The following SMC1B variants were observed in gnomAD, a reference collection of about 807,000 sequenced individuals.
SMC1B encodes structural maintenance of chromosomes protein 1B.
A neutral mutation model predicts 157.9 loss-of-function variants in SMC1B; 60 were observed. That is an observed-to-expected ratio of 0.38 (90% confidence interval 0.31 to 0.47). The LOEUF is 0.47. Among genes scored for constraint, SMC1B ranks in the 20% least tolerant of loss-of-function variants. The probability of loss-of-function intolerance (pLI) is 0.99; values close to 1 mark genes in which losing one functional copy is unlikely to be tolerated. For missense variants in SMC1B, 1,165 were observed against 1,426.2 expected (o/e 0.82, Z 2.95); for synonymous variants, 445 against 483.0 (o/e 0.92, Z 1.03).
chr22:45,353,109 A>G (rs2086630651), intron 21 of SMC1B, among the ~76,000 whole-genome samples: 1 of 152,078 alleles, frequency 6.6e-6, no homozygotes, highest in African/African-American at 2.4e-5. Flanking sequence ...TGTCTCTACA[A>G]AAAATACAAA....
intron 1 of SMC1B, among the ~76,000 whole-genome samples, chr22:45,412,272 C>T (rs1356952668): frequency 1.3e-5 from 2 of 151,852 alleles, no homozygotes; most frequent in Non-Finnish European, 2.9e-5. Flanking sequence ...GCTATCTTGG[C>T]TCACTGCAAC....
chr22:45,392,685 A>G (rs1252407425), intron 9 of SMC1B, among the ~76,000 whole-genome samples: 1 of 152,042 alleles, frequency 6.6e-6, no homozygotes, highest in Non-Finnish European at 1.5e-5. Context: ...AAGTGTGGAT[A>G]TGGAGGCCAA....
At chr22:45,401,150 T>A (rs192522530) in intron 5 of SMC1B, among the ~76,000 whole-genome samples, 1 of 152,348 alleles carries the variant, frequency 6.6e-6, no homozygotes, top group African/African-American at 2.4e-5. Flanking sequence ...TGACAATGTA[T>A]CATAATAATG....
At chr22:45,348,680 A>G (rs2086576188) in intron 23 of SMC1B, among the ~76,000 whole-genome samples, 2 of 150,780 alleles carry the variant, frequency 1.3e-5, no homozygotes, top group Non-Finnish European at 2.9e-5. Flanking sequence ...CCCTGAATCA[A>G]CTTGTTTTAG....
chr22:45,409,017 A>T, intron 1 of SMC1B, 119 bp from the exon 2 acceptor site: 2 of 587,994 alleles, frequency 3.4e-6, no homozygotes, highest in Non-Finnish European at 6.0e-6. Context: ...GTCCTTTTTA[A>T]TCAATGTTCA....
chr22:45,412,498 CTTTTTTTTTT>C (rs56894434), intron 1 of SMC1B, among the ~76,000 whole-genome samples: 1,019 of 65,468 alleles, frequency 0.016, 15 homozygotes, highest in African/African-American at 0.067. Flanking sequence ...CGCGCCCAGC[CTTTTTTTTTT>C]TTTTTTTTTT....
intron 5 of SMC1B, among the ~76,000 whole-genome samples, chr22:45,401,249 G>T (rs2087189543): frequency 1.3e-5 from 2 of 152,230 alleles, no homozygotes; most frequent in Non-Finnish European, 2.9e-5. Context: ...GATAGTGAAG[G>T]TTAAGAGAGT....
intron 11 of SMC1B, among the ~76,000 whole-genome samples, chr22:45,386,406 TTG>T (rs34554081): frequency 0.5 from 75,932 of 151,714 alleles, 22,547 homozygotes; most frequent in African/African-American, 0.84. Context: ...CTCATTTCAA[TTG>T]TGTTTTCTAG....
At chr22:45,401,099 T>C (rs2087187158) in intron 5 of SMC1B, among the ~76,000 whole-genome samples, 2 of 152,172 alleles carry the variant, frequency 1.3e-5, no homozygotes, top group Admixed American at 6.5e-5. Context: ...ATGTATAAAG[T>C]ATGGACTTTA....
chr22:45,379,174 G>A (rs2086911112), intron 12 of SMC1B, among the ~76,000 whole-genome samples: 1 of 152,150 alleles, frequency 6.6e-6, no homozygotes, highest in South Asian at 2.1e-4. Context: ...TAGAGACAGG[G>A]TTTCACTATG....
intron 23 of SMC1B, among the ~76,000 whole-genome samples, chr22:45,348,718 G>GTTTTTTTTTTTTTTTTTT (rs59086824): frequency 6.8e-6 from 1 of 148,128 alleles, no homozygotes. Context: ...CAAAAGGACT[G>GTTTTTTTTTTTTTTTTTT]TTTTTTTTGT....
intron 15 of SMC1B, among the ~76,000 whole-genome samples, chr22:45,366,250 C>G (rs1226004604): frequency 6.6e-6 from 1 of 152,170 alleles, no homozygotes; most frequent in East Asian, 1.9e-4. Flanking sequence ...TCTCAAACTC[C>G]TGAGCTCAGG....
intron 9 of SMC1B, among the ~76,000 whole-genome samples, 183 bp from the exon 10 acceptor site, chr22:45,390,080 TG>T (rs1281513461): frequency 6.6e-6 from 1 of 152,174 alleles, no homozygotes; most frequent in African/African-American, 2.4e-5. Context: ...CATCTAGCTA[TG>T]TAACACTTCA....
rs770272180 is a variant in SMC1B, at chr22:45,399,236, T to C, written c.972A>G (p.Lys324=). The change falls in exon 6 of 25, where the codon AAA becomes AAG. Residue 324 remains lysine (K), a synonymous_variant. Coordinates refer to ENST00000357450, the MANE Select transcript of SMC1B (RefSeq NM_148674.5). Reference sequence around the variant, plus strand: ...TATCATCTTCCTGTTTAGAACATTGTTTTTCGCTGTCCTTTATTGATTTCT... The same window carrying C: ...TATCATCTTCCTGTTTAGAACATTGCTTTTCGCTGTCCTTTATTGATTTCT... ...VAKKSIKDSE[K]QCSKQEDDIK... 1 of 1,614,158 alleles carries C rather than the reference T, an allele frequency of 6.2e-7. No individual in the cohort carries two copies. Among genetic ancestry groups the C allele is most frequent in the Non-Finnish European group, 8.5e-7 (1 of 1,180,002 alleles).
At chr22:45,394,077 T>G (rs530488582) in intron 8 of SMC1B, among the ~76,000 whole-genome samples, 1 of 152,264 alleles carries the variant, frequency 6.6e-6, no homozygotes, top group African/African-American at 2.4e-5. Flanking sequence ...ATCCCAGTAC[T>G]TTGAGAGGTT....
At chr22:45,410,496 G>A (rs932210349) in intron 1 of SMC1B, among the ~76,000 whole-genome samples, 1 of 151,950 alleles carries the variant, frequency 6.6e-6, no homozygotes, top group South Asian at 2.1e-4. Context: ...CGAGGTCAGG[G>A]GTTCGAGACC....
chr22:45,368,344 C>T (rs1210436258), intron 15 of SMC1B, among the ~76,000 whole-genome samples: 1 of 151,698 alleles, frequency 6.6e-6, no homozygotes, highest in Non-Finnish European at 1.5e-5. Flanking sequence ...GATAATGGTA[C>T]ATTATTTTGT....
intron 10 of SMC1B, among the ~76,000 whole-genome samples, chr22:45,388,266 T>G (rs2087012582): frequency 6.6e-6 from 1 of 152,138 alleles, no homozygotes; most frequent in African/African-American, 2.4e-5. Context: ...TGTGTGTATA[T>G]ACATTTGGGA....
At chr22:45,372,065 TG>T in intron 13 of SMC1B, 89 bp downstream of exon 13, 1 of 1,163,054 alleles carries the variant, frequency 8.6e-7, no homozygotes, top group Non-Finnish European at 1.2e-6. Context: ...AAAAAGTATC[TG>T]AAAATTACAT....
Sources: gnomAD v4.1 joint callset for allele counts (sites outside exome capture counted in the v4.1 genomes callset) on GRCh38, gnomAD v4.1.1 for gene constraint, MANE v1.5 for transcripts, NCBI Gene and HGNC (gene_info 2026-07-23, HGNC 2026-07-21) for gene names.